Variants in ARHGAP29 observed in about 807,000 individuals in gnomAD.
The protein encoded by ARHGAP29 is rho GTPase-activating protein 29.
A neutral mutation model predicts 122.6 loss-of-function variants in ARHGAP29; 43 were observed. The observed-to-expected ratio is 0.35, with a 90% CI of 0.27 to 0.45. The LOEUF is 0.45. Ranked by LOEUF, ARHGAP29 falls within the 20% of genes least tolerant of loss-of-function variation. The pLI is 1.00. For synonymous variants in ARHGAP29, 506 were observed against 497.1 expected, an observed-to-expected ratio of 1.02 and a Z score of -0.24; for missense variants, 1,303 against 1,477.2, an observed-to-expected ratio of 0.88 and a Z score of 1.93.
intron 3 of ARHGAP29, among the ~76,000 whole-genome samples, chr1:94,213,578 G>A (rs1651787271): frequency 6.6e-6 from 1 of 152,348 alleles, no homozygotes; most frequent in African/African-American, 2.4e-5. Flanking sequence ...TACATAAATG[G>A]ATAAGACTGT....
chr1:94,175,863 C>T (rs1402778722), intron 22 of ARHGAP29, among the ~76,000 whole-genome samples: 3 of 152,022 alleles, frequency 2.0e-5, no homozygotes, highest in Non-Finnish European at 4.4e-5. Flanking sequence ...TGCTACCATG[C>T]CCAGATAATT....
the ARHGAP29 span, chr1:94,302,418 G>A: frequency 5.6e-6 from 2 of 360,186 alleles, no homozygotes; most frequent in Middle Eastern, 1.0e-3. Context: ...CGTTCGTGAT[G>A]GGCATGAGCC....
intron 3 of ARHGAP29, among the ~76,000 whole-genome samples, chr1:94,213,743 C>T (rs1014888742): frequency 6.6e-6 from 1 of 152,212 alleles, no homozygotes; most frequent in Non-Finnish European, 1.5e-5. Context: ...AACTTCACCC[C>T]TCTGTAACTC....
intron 3 of ARHGAP29, among the ~76,000 whole-genome samples, chr1:94,211,848 G>A (rs2101552058): frequency 6.6e-6 from 1 of 152,220 alleles, no homozygotes; most frequent in Middle Eastern, 3.4e-3. Context: ...TTGGTGTGCT[G>A]CACCCATTAA....
chr1:94,173,042 A>G lies in ARHGAP29; in HGVS notation c.*827T>C, dbSNP rs964565578. ...AATGCACTGAATTCAAAAACTTCTG[A>G]AACAGGCATTTTTTGGACCATTTAT... On this transcript the variant is annotated 3_prime_UTR_variant, in exon 23 of 23. Transcript: ENST00000260526. 2.0e-5 allele frequency: 3 copies of G among 152,652 alleles called. No homozygotes were observed. The highest frequency in any genetic ancestry group is 7.2e-5 in the African/African-American group (3 of 41,466). The allele number at this position is 152,652 out of a possible 1,614,324, so 9.5% of individuals were successfully genotyped here. A position where few individuals can be genotyped will look rare whatever the true frequency, so the allele number is the denominator to read the frequency against.
At position 94,202,566 on chromosome 1, in the gene ARHGAP29, A is replaced by G. The variant is rs1442567563; in HGVS notation, c.1121T>C (p.Leu374Ser). ...LNKQLEKKRRLEEEALQKVEE... is the reference protein window; with the variant it reads ...LNKQLEKKRRSEEEALQKVEE... The stretch of plus-strand genomic sequence containing the variant: ...TACTTTTTGGAGAGCCTCCTCTTCC[A>G]ACCTTCGCTTTTTTTCTAGTTGCTT... The change falls in exon 11 of 23, where the codon TTG becomes TCG. Residue 374 changes from leucine (L) to serine (S), a missense_variant. Leu to Ser is a moderately radical substitution (Grantham distance 145). This residue lies in a region of ARHGAP29 where 592 missense variants were observed against 648.2 expected (regional missense o/e 0.91). Transcript: ENST00000260526. The G allele has an allele frequency of 2.5e-6, 4 of 1,614,074 alleles. No homozygotes were observed. The highest frequency in any genetic ancestry group is 3.4e-6 in the Non-Finnish European group (4 of 1,180,052).
the ARHGAP29 span, among the ~76,000 whole-genome samples, chr1:94,296,179 A>G: frequency 5.3e-5 from 8 of 152,218 alleles, no homozygotes; most frequent in South Asian, 2.1e-4. Context: ...AAGTAGCACA[A>G]TGAAATCTTG....
At position 94,202,961 on chromosome 1, in the gene ARHGAP29, C is replaced by T. The variant is rs1242918690; in HGVS notation, c.911G>A (p.Arg304Lys). 1.1e-5 allele frequency: 18 copies of T among 1,608,320 alleles called. No individual in the cohort carries two copies. Among genetic ancestry groups the T allele is most frequent in the Admixed American group, 1.7e-5 (1 of 59,028 alleles). Residue 304 changes from arginine to lysine, a missense_variant, in exon 10 of 23, where the codon AGG becomes AAG. Arg to Lys is a conservative substitution (Grantham distance 26). Transcript: ENST00000260526. ...LGRKNEMEKQ[R>K]KEIKELWKQE... Reference sequence around the variant, plus strand: ...TTTCCAAAGCTCTTTTATTTCTTTCCTTTGTTTTTCCATTTCATTTTTCCT... The same window carrying T: ...TTTCCAAAGCTCTTTTATTTCTTTCTTTTGTTTTTCCATTTCATTTTTCCT...
chr1:94,289,892 G>C, the ARHGAP29 span, among the ~76,000 whole-genome samples: 1 of 152,138 alleles, frequency 6.6e-6, no homozygotes, highest in African/African-American at 2.4e-5. Context: ...GATTCAGTTT[G>C]CCAGTATTTT....
At chr1:94,277,573 A>G (rs900029870), upstream of ARHGAP29, among the ~76,000 whole-genome samples, 25 of 152,174 alleles carry the variant, frequency 1.6e-4, no homozygotes, top group African/African-American at 5.8e-4. Context: ...TTGTAGGTGG[A>G]TCAGGTTCAC....
chr1:94,236,127 T>C (rs532074825), intron 1 of ARHGAP29, among the ~76,000 whole-genome samples: 13 of 152,286 alleles, frequency 8.5e-5, no homozygotes, highest in Non-Finnish European at 2.9e-5. Flanking sequence ...GATGATTAAA[T>C]CTTTATGGTT....
At chr1:94,312,205 C>G in the ARHGAP29 span, among the ~76,000 whole-genome samples, 218 of 152,242 alleles carry the variant, frequency 1.4e-3, no homozygotes, top group African/African-American at 5.0e-3. Context: ...TCCTCCCCAT[C>G]CTTCCACATC....
intron 1 of ARHGAP29, among the ~76,000 whole-genome samples, chr1:94,253,322 G>A (rs973460996): frequency 2.6e-5 from 4 of 152,068 alleles, no homozygotes; most frequent in Non-Finnish European, 4.4e-5. Context: ...CGGGCTTACA[G>A]TTAGTCACTG....
In ARHGAP29 at chr1:94,173,698, C is replaced by A; in HGVS notation, c.*171G>T. 2.8e-6 allele frequency: 2 copies of A among 714,536 alleles called. No homozygotes were observed. The highest frequency in any genetic ancestry group is 4.4e-6 in the Non-Finnish European group (2 of 451,634). The allele number at this position is 714,536 out of a possible 1,614,324, so 44.3% of individuals were successfully genotyped here. A position where few individuals can be genotyped will look rare whatever the true frequency, so the allele number is the denominator to read the frequency against. On this transcript the variant is annotated 3_prime_UTR_variant, in exon 23 of 23. Transcript: ENST00000260526. Reference sequence around the variant, plus strand: ...AGGCACAAATGTGACCCTATCAAAACATTCTACCATTCAGTATTACCAACA... The same window carrying A: ...AGGCACAAATGTGACCCTATCAAAAAATTCTACCATTCAGTATTACCAACA...
intron 1 of ARHGAP29, among the ~76,000 whole-genome samples, chr1:94,253,667 C>T (rs113288625): frequency 6.6e-6 from 1 of 152,058 alleles, no homozygotes; most frequent in African/African-American, 2.4e-5. Context: ...CACGCACGCA[C>T]GCACATGCAC....
intron 3 of ARHGAP29, 83 bp from the exon 4 acceptor site, chr1:94,209,433 A>T: frequency 1.3e-6 from 1 of 785,076 alleles, no homozygotes; most frequent in Admixed American, 3.4e-5. Flanking sequence ...TTAAAACTTC[A>T]TCATTAGTTC....
At position 94,170,600 on chromosome 1, in the gene ARHGAP29, A is replaced by G. The variant is rs1282773758; in HGVS notation, c.*3269T>C. On this transcript the variant is annotated 3_prime_UTR_variant, in exon 23 of 23. Coordinates refer to ENST00000260526, the MANE Select transcript of ARHGAP29 (RefSeq NM_004815.4). ...ATCTCCTAAGTTTGATGGTTGTACT[A>G]TGGTTACGTAGGAATGCCCTTGTCT... 6.6e-6 allele frequency among the ~76,000 whole-genome samples: 1 copy of G among 152,202 alleles called. No individual in the cohort carries two copies. Among genetic ancestry groups the G allele is most frequent in the African/African-American group, 2.4e-5 (1 of 41,462 alleles).
chr1:94,228,799 T>C lies in ARHGAP29; in HGVS notation c.205+2608A>G, dbSNP rs368049921. On this transcript the variant is annotated intron_variant, in intron 2 of 22. Transcript: ENST00000260526. ...CAAAGCTGTTTATCTAAGACTAGCC[T>C]CAACCTATGATTAAACAACTGCGGC... is the stretch of plus-strand genomic sequence containing the variant. Among the ~76,000 whole-genome samples, 28 of 151,964 alleles carry C rather than the reference T, an allele frequency of 1.8e-4. No individual in the cohort carries two copies. In the South Asian group the frequency reaches 3.3e-3, roughly 18 times the overall value.
At chr1:94,311,461 T>G in the ARHGAP29 span, among the ~76,000 whole-genome samples, 1 of 152,126 alleles carries the variant, frequency 6.6e-6, no homozygotes, top group Non-Finnish European at 1.5e-5. Flanking sequence ...GAGGCTTGGA[T>G]AGGTGCAACA....
Sources: gnomAD v4.1 joint callset for allele counts (sites outside exome capture counted in the v4.1 genomes callset) on GRCh38, gnomAD v4.1.1 for gene constraint, gnomAD v4.1.1 regional missense constraint, MANE v1.5 for transcripts, NCBI Gene and HGNC (gene_info 2026-07-23, HGNC 2026-07-21) for gene names.